Variants in NKAIN3 observed in about 807,000 individuals in gnomAD.
The protein encoded by NKAIN3 is sodium/potassium-transporting ATPase subunit beta-1-interacting protein 3.
Under a neutral mutation model 30.2 loss-of-function variants are expected in NKAIN3, and 25 were observed. The observed-to-expected ratio is 0.83, with a 90% CI of 0.60 to 1.16. NKAIN3 has a LOEUF of 1.16. NKAIN3 is among the 50% of genes most tolerant of loss of function. NKAIN3 has a pLI of 0.00. For missense variants in NKAIN3, 225 were observed against 254.1 expected (o/e 0.89, Z 0.78); for synonymous variants, 91 against 89.6 (o/e 1.02, Z -0.09).
intron 3 of NKAIN3, among the ~76,000 whole-genome samples, chr8:62,685,984 G>T (rs1334694560): frequency 6.6e-6 from 1 of 151,966 alleles, no homozygotes; most frequent in Non-Finnish European, 1.5e-5. Context: ...ATTAAATAAT[G>T]GTGATTATGG....
At chr8:62,555,223 A>G (rs529643458) in intron 1 of NKAIN3, among the ~76,000 whole-genome samples, 31 of 152,294 alleles carry the variant, frequency 2.0e-4, no homozygotes, top group African/African-American at 7.5e-4. Context: ...AAAAATTCAG[A>G]ATACATAAAG....
intron 1 of NKAIN3, chr8:62,483,701 C>A (rs2129601034): frequency 1.0e-5 from 3 of 300,818 alleles, no homozygotes; most frequent in Non-Finnish European, 1.3e-5. Context: ...ACAATAAGCC[C>A]TTGCCGAGTC....
At chr8:62,265,569 G>C (rs1307340490) in intron 1 of NKAIN3, among the ~76,000 whole-genome samples, 2 of 152,154 alleles carry the variant, frequency 1.3e-5, no homozygotes, top group African/African-American at 4.8e-5. Flanking sequence ...TTAAAATAAT[G>C]TAACTTTATT....
intron 1 of NKAIN3, among the ~76,000 whole-genome samples, chr8:62,560,875 C>G (rs138998952): frequency 4.4e-3 from 671 of 152,114 alleles, no homozygotes; most frequent in Non-Finnish European, 6.3e-3. Context: ...TAGATCCTAT[C>G]TACTGAGCTT....
intron 1 of NKAIN3, among the ~76,000 whole-genome samples, chr8:62,570,628 G>A (rs1490671232): frequency 3.3e-5 from 5 of 152,084 alleles, no homozygotes; most frequent in East Asian, 1.9e-4. Flanking sequence ...ACTCGCCCCC[G>A]TGATTCAATC....
Position 62,895,833 on chromosome 8 carries a change from C to T in NKAIN3, c.472-22620C>T, listed in dbSNP as rs117023243. The stretch of plus-strand genomic sequence containing the variant: ...ACTTGAAGGAAAGTAGCATTCAACT[C>T]CAGCTAACTCCCTGGTTTTATCTTC... On this transcript the variant is annotated intron_variant, in intron 4 of 6. Coordinates refer to ENST00000623646, the MANE Select transcript of NKAIN3 (RefSeq NM_001304533.3). 2.1e-3 allele frequency among the ~76,000 whole-genome samples: 323 copies of T among 152,238 alleles called. 1 individual carries two copies. The highest frequency in any genetic ancestry group is 3.7e-3 in the Admixed American group (57 of 15,280).
chr8:62,883,025 A>G (rs1029303231), intron 4 of NKAIN3, among the ~76,000 whole-genome samples: 5 of 152,156 alleles, frequency 3.3e-5, no homozygotes, highest in Non-Finnish European at 7.3e-5. Context: ...TCTTCTTTAC[A>G]TAGTGTTGGC....
At chr8:62,958,613 G>C (rs1823487479) in intron 6 of NKAIN3, among the ~76,000 whole-genome samples, 4 of 152,114 alleles carry the variant, frequency 2.6e-5, no homozygotes, top group African/African-American at 4.8e-5. Flanking sequence ...GGAGAAGAGG[G>C]TTAGCAAAAG....
At chr8:62,794,724 G>T (rs143624116) in intron 4 of NKAIN3, among the ~76,000 whole-genome samples, 227 of 152,252 alleles carry the variant, frequency 1.5e-3, no homozygotes, top group Non-Finnish European at 2.7e-3. Context: ...GTTGCCTACA[G>T]CCCTGTGATA....
intron 1 of NKAIN3, among the ~76,000 whole-genome samples, chr8:62,276,311 C>T (rs1812958157): frequency 6.6e-6 from 1 of 152,200 alleles, no homozygotes; most frequent in Non-Finnish European, 1.5e-5. Context: ...AGTGATCCGC[C>T]TGCCTTGGCC....
At chr8:62,497,318 G>A (rs2129654238) in intron 1 of NKAIN3, among the ~76,000 whole-genome samples, 1 of 152,152 alleles carries the variant, frequency 6.6e-6, no homozygotes, top group South Asian at 2.1e-4. Context: ...TTGTAGACTT[G>A]AAAATAGTAG....
At chr8:62,322,511 G>T (rs1035343138) in intron 1 of NKAIN3, among the ~76,000 whole-genome samples, 8 of 152,106 alleles carry the variant, frequency 5.3e-5, no homozygotes, top group African/African-American at 1.9e-4. Flanking sequence ...TGTTAAACTG[G>T]TAAGTATATA....
In NKAIN3 at chr8:62,483,493, C is replaced by G. The variant is rs141699583; in HGVS notation, c.55-96046C>G. On this transcript the variant is annotated intron_variant, in intron 1 of 6. Transcript: ENST00000623646. Reference sequence around the variant, plus strand: ...CTCAGGCTGGGTAACCAATGCTGGACTGGAGTGTGTGGTCATCCCTGGTTG... The same window carrying G: ...CTCAGGCTGGGTAACCAATGCTGGAGTGGAGTGTGTGGTCATCCCTGGTTG... The G allele has an allele frequency of 3.8e-3, 628 of 163,284 alleles. 3 individuals carry two copies. The highest frequency in any genetic ancestry group is 0.014 in the African/African-American group (584 of 41,806). 10.1% of individuals were successfully genotyped at this position (163,284 alleles called of 1,614,324 possible). A position where few individuals can be genotyped will look rare whatever the true frequency, so the allele number is the denominator to read the frequency against.
At chr8:62,955,296 C>G (rs1162212077) in intron 6 of NKAIN3, among the ~76,000 whole-genome samples, 3 of 152,164 alleles carry the variant, frequency 2.0e-5, no homozygotes, top group African/African-American at 7.2e-5. Context: ...ATATAACACT[C>G]CAGAACCAAG....
chr8:62,308,884 C>T (rs373844085), intron 1 of NKAIN3, among the ~76,000 whole-genome samples: 1 of 150,224 alleles, frequency 6.7e-6, no homozygotes, highest in African/African-American at 2.5e-5. Context: ...ACTCATTGAC[C>T]AACGGGAGAT....
chr8:62,943,234 G>C (rs1332870670), intron 5 of NKAIN3, among the ~76,000 whole-genome samples: 3 of 152,070 alleles, frequency 2.0e-5, no homozygotes, highest in African/African-American at 7.2e-5. Context: ...CCTAAGACAT[G>C]AATAGGCAAT....
chr8:62,649,397 C>G (rs867644189), intron 3 of NKAIN3, among the ~76,000 whole-genome samples: 1 of 152,070 alleles, frequency 6.6e-6, no homozygotes, highest in Non-Finnish European at 1.5e-5. Flanking sequence ...GCCAAACAGG[C>G]CAATGGGACT....
At chr8:62,683,981 G>A (rs1007856262) in intron 3 of NKAIN3, among the ~76,000 whole-genome samples, 7 of 152,142 alleles carry the variant, frequency 4.6e-5, no homozygotes, top group African/African-American at 1.4e-4. Context: ...CCCAGTATTA[G>A]TGCTTCCATG....
At chr8:62,275,850 C>T (rs1241527934) in intron 1 of NKAIN3, among the ~76,000 whole-genome samples, 1 of 152,004 alleles carries the variant, frequency 6.6e-6, no homozygotes, top group Non-Finnish European at 1.5e-5. Context: ...AAATTTGATG[C>T]TTACCGTTTA....
Sources: allele counts gnomAD v4.1 joint callset (sites outside exome capture counted in the v4.1 genomes callset), GRCh38; gene constraint gnomAD v4.1.1; transcripts MANE v1.5; gene names NCBI Gene and HGNC (gene_info 2026-07-23, HGNC 2026-07-21).